Variants in LGALS9 observed in about 807,000 individuals in gnomAD.
LGALS9 encodes the protein galectin 9.
LGALS9 carries 26 observed loss-of-function variants against 35.9 expected under a neutral mutation model. That is an observed-to-expected ratio of 0.72 (90% CI 0.53 to 1.01). The LOEUF (loss-of-function observed/expected upper bound fraction) is 1.01. Ranked by LOEUF, LGALS9 falls within the 50% of genes least tolerant of loss-of-function variation. LGALS9 has a pLI of 0.00. For missense variants in LGALS9, 347 were observed against 445.8 expected, an observed-to-expected ratio of 0.78 and a Z score of 1.99; for synonymous variants, 149 against 172.2, an observed-to-expected ratio of 0.87 and a Z score of 1.06.
intron 1 of LGALS9, among the ~76,000 whole-genome samples, chr17:27,635,487 T>TAATC (rs1483043851): frequency 1.5e-5 from 2 of 135,146 alleles, no homozygotes; most frequent in African/African-American, 5.4e-5. Flanking sequence ...AATAAATAAA[T>TAATC]AATCTTGTTT....
At chr17:27,646,048 C>T in intron 7 of LGALS9, 137 bp downstream of exon 7, 1 of 717,470 alleles carries the variant, frequency 1.4e-6, no homozygotes, top group South Asian at 1.8e-5. Flanking sequence ...GAGTGCTTGG[C>T]TCAGGTGACA....
chr17:27,647,361 G>T lies in LGALS9; in HGVS notation c.850G>T (p.Asp284Tyr). The T allele has an allele frequency of 6.2e-7, 1 of 1,614,170 alleles. No individual in the cohort carries two copies. The highest frequency in any genetic ancestry group is 8.5e-7 in the Non-Finnish European group (1 of 1,180,038). Residue 284 changes from aspartate (D) to tyrosine (Y), a missense_variant, in exon 10 of 11, where the codon GAC (aspartate) becomes TAC (tyrosine). Physicochemically the swap from Asp to Tyr is radical, Grantham distance 160. Transcript: ENST00000395473. ...ENAVVRNTQI[D>Y]NSWGSEERSL... ...TGCTGTGGTCCGCAACACCCAGATC[G>T]ACAACTCCTGGGGGTCTGAGGAGCG...
rs753596905 is a variant in LGALS9, at chr17:27,642,278, G to A, written c.374G>A (p.Arg125His). 3.7e-5 allele frequency: 59 copies of A among 1,612,728 alleles called. No individual in the cohort carries two copies. The highest frequency in any genetic ancestry group is 1.8e-4 in the Middle Eastern group (1 of 5,408). Reference protein sequence around the residue: ...NGILFVQYFHRVPFHRVDTIS... With the variant: ...NGILFVQYFHHVPFHRVDTIS... The stretch of plus-strand genomic sequence containing the variant: ...ATCCTCTTCGTGCAGTACTTCCACC[G>A]CGTGCCCTTCCACCGTGTGGACACC... The change falls in exon 4 of 11, where the codon CGC (arginine) becomes CAC (histidine). Residue 125 changes from arginine to histidine, a missense_variant. Transcript: ENST00000395473.
At chr17:27,643,041 A>G (rs1287560525) in intron 4 of LGALS9, among the ~76,000 whole-genome samples, 3 of 152,222 alleles carry the variant, frequency 2.0e-5, no homozygotes, top group Non-Finnish European at 2.9e-5. Context: ...TGTCTCCAAA[A>G]AACTTTGTTT....
chr17:27,633,405 G>T lies in LGALS9; in HGVS notation c.39+2101G>T, dbSNP rs190881178. Among the ~76,000 whole-genome samples the T allele has an allele frequency of 3.3e-5, 5 of 152,318 alleles. No individual in the cohort carries two copies. The East Asian group carries it at 9.7e-4, about 29-fold the overall frequency. On this transcript the variant is annotated intron_variant, in intron 1 of 10. Transcript: ENST00000395473. ...AGTCTAAAATCAAAGTGTCATGGAA[G>T]GTGGCCAGCAGGACCATGGAGCCTC...
At position 27,640,870 on chromosome 17, in the gene LGALS9, G is replaced by A. The variant is rs1904437014; in HGVS notation, c.333+97G>A. ...AATCACCTAAATTGACATTCAGCCA[G>A]AGTGACACCACTATACAGATAACAC... On this transcript the variant is annotated intron_variant, in intron 3 of 10. Transcript: ENST00000395473. 7.2e-6 allele frequency: 11 copies of A among 1,531,702 alleles called. No individual in the cohort carries two copies. The South Asian group carries it at 1.3e-4, about 18-fold the overall frequency. 94.9% of individuals were successfully genotyped at this position (1,531,702 alleles called of 1,614,324 possible).
Position 27,641,020 on chromosome 17 carries a change from G to A in LGALS9, c.333+247G>A, listed in dbSNP as rs1052442867. On this transcript the variant is annotated intron_variant, in intron 3 of 10. Coordinates refer to ENST00000395473, the MANE Select transcript of LGALS9 (RefSeq NM_009587.3). ...TAAGAACTAGAGGAGTCATCACGTT[G>A]CTATTTGGTGTTGTGTGTCTTTGAA... 5.6e-6 allele frequency: 4 copies of A among 709,196 alleles called. No individual in the cohort carries two copies. In the African/African-American group the frequency reaches 7.0e-5, roughly 12 times the overall value. The allele number at this position is 709,196 out of a possible 1,614,324, so 43.9% of individuals were successfully genotyped here. A position where few individuals can be genotyped will look rare whatever the true frequency, so the allele number is the denominator to read the frequency against.
At position 27,647,320 on chromosome 17, in the gene LGALS9, C is replaced by A. The variant is rs1905028583; in HGVS notation, c.809C>A (p.Pro270His). 2 of 1,614,044 alleles carry A rather than the reference C, an allele frequency of 1.2e-6. No individual in the cohort carries two copies. Among genetic ancestry groups the A allele is most frequent in the Non-Finnish European group, 1.7e-6 (2 of 1,180,040 alleles). The change falls in exon 10 of 11, where the codon CCC (proline) becomes CAC (histidine). Residue 270 changes from proline to histidine, a missense_variant. Transcript: ENST00000395473. ...AACCACATCGCCTTCCACCTGAACC[C>A]CCGTTTTGATGAGAATGCTGTGGTC... ...SGNHIAFHLNPRFDENAVVRN... is the reference protein window; with the variant it reads ...SGNHIAFHLNHRFDENAVVRN...
intron 8 of LGALS9, 112 bp from the exon 9 acceptor site, chr17:27,646,916 GGA>G: frequency 1.3e-6 from 2 of 1,485,186 alleles, no homozygotes. Context: ...TGGCTTTTAT[GGA>G]ACCAAGTAAA....
At chr17:27,632,345 G>A (rs1490957906) in intron 1 of LGALS9, among the ~76,000 whole-genome samples, 3 of 152,294 alleles carry the variant, frequency 2.0e-5, no homozygotes, top group East Asian at 1.9e-4. Context: ...GGCCAGGGTC[G>A]GGCTTGAGTG....
Position 27,649,084 on chromosome 17 carries a change from T to C in LGALS9, c.*102T>C, listed in dbSNP as rs1162259760. ...CCAGCCTTTCCAACCCTGCCTGGGA[T>C]CTGGGCTTTAATGCAGAGGCCATGT... On this transcript the variant is annotated 3_prime_UTR_variant, in exon 11 of 11. Transcript: ENST00000395473. 1.9e-5 allele frequency: 30 copies of C among 1,564,638 alleles called. No homozygotes were observed. Among genetic ancestry groups the C allele is most frequent in the Non-Finnish European group, 2.5e-5 (29 of 1,147,088 alleles).
chr17:27,642,831 C>T (rs1161063948), intron 4 of LGALS9, among the ~76,000 whole-genome samples: 1 of 152,204 alleles, frequency 6.6e-6, no homozygotes, highest in African/African-American at 2.4e-5. Flanking sequence ...AGAGGTCACA[C>T]AGTGGCCCCC....
chr17:27,639,883 C>T (rs1460997689), intron 2 of LGALS9, among the ~76,000 whole-genome samples: 1 of 152,170 alleles, frequency 6.6e-6, no homozygotes, highest in Non-Finnish European at 1.5e-5. Context: ...ACTACAGGCT[C>T]ATGCCACCAT....
chr17:27,647,896 G>A (rs908743571), intron 10 of LGALS9, among the ~76,000 whole-genome samples: 6 of 152,376 alleles, frequency 3.9e-5, no homozygotes, highest in African/African-American at 9.6e-5. Flanking sequence ...CACAGATAAC[G>A]ACAGTGCCAC....
intron 10 of LGALS9, among the ~76,000 whole-genome samples, chr17:27,648,375 G>A (rs1052983885): frequency 6.6e-6 from 1 of 152,248 alleles, no homozygotes; most frequent in Non-Finnish European, 1.5e-5. Flanking sequence ...TTGTAAGAAT[G>A]GAATGAGACA....
At chr17:27,647,949 G>A (rs1905066707) in intron 10 of LGALS9, among the ~76,000 whole-genome samples, 1 of 152,268 alleles carries the variant, frequency 6.6e-6, no homozygotes, top group Admixed American at 6.5e-5. Flanking sequence ...GAGCCTGGGA[G>A]GGGCAGCTAG....
chr17:27,637,048 A>G (rs2074460057), intron 1 of LGALS9, among the ~76,000 whole-genome samples: 1 of 152,130 alleles, frequency 6.6e-6, no homozygotes, highest in South Asian at 2.1e-4. Context: ...TAATTTGTGT[A>G]GGAAATTGAC....
At position 27,631,306 on chromosome 17, in the gene LGALS9, T is replaced by A. The variant is rs753888302; in HGVS notation, c.39+2T>A. ...TCCCAGGCTCCCTACCTGAGTCCAG[T>A]GAGTTCCAGGGCTATGGGCACAGGG... On this transcript the variant is annotated splice_donor_variant, in intron 1 of 10. Transcript: ENST00000395473. LOFTEE classifies it high-confidence loss of function. 21 of 1,613,970 alleles carry A rather than the reference T, an allele frequency of 1.3e-5. No homozygotes were observed. Among genetic ancestry groups the A allele is most frequent in the Non-Finnish European group, 1.8e-5 (21 of 1,179,998 alleles).
At position 27,645,896 on chromosome 17, in the gene LGALS9, T is replaced by C. The variant is rs1401830431; in HGVS notation, c.612T>C (p.Pro204=). Residue 204 remains proline (P), a synonymous_variant, in exon 7 of 11, where the codon CCT becomes CCC. Coordinates refer to ENST00000395473, the MANE Select transcript of LGALS9 (RefSeq NM_009587.3). Reference sequence around the variant, plus strand: ...TCATCCACACAGTGCAGAGCGCCCCTGGACAGATGTTCTCTGTAAGTCTAC... The same window carrying C: ...TCATCCACACAGTGCAGAGCGCCCCCGGACAGATGTTCTCTGTAAGTCTAC... ...QTVIHTVQSA[P]GQMFSTPAIP... 1 of 1,592,976 alleles carries C rather than the reference T, an allele frequency of 6.3e-7. No individual in the cohort carries two copies. Among genetic ancestry groups the C allele is most frequent in the Non-Finnish European group, 8.6e-7 (1 of 1,163,874 alleles).
Sources: allele counts gnomAD v4.1 joint callset (sites outside exome capture counted in the v4.1 genomes callset), GRCh38; gene constraint gnomAD v4.1.1; transcripts MANE v1.5; gene names NCBI Gene and HGNC (gene_info 2026-07-23, HGNC 2026-07-21).